RIMS1: variants seen among roughly 807,000 people sequenced by gnomAD.
The protein encoded by RIMS1 is regulating synaptic membrane exocytosis protein 1.
A neutral mutation model predicts 214.1 loss-of-function variants in RIMS1; 83 were observed. That is an observed-to-expected ratio of 0.39 (90% confidence interval 0.32 to 0.47). RIMS1 has a LOEUF of 0.47. Ranked by LOEUF, RIMS1 falls within the 20% of genes least tolerant of loss-of-function variation. The pLI, the probability that RIMS1 is intolerant of heterozygous loss-of-function variation, is 0.99. For missense variants in RIMS1, 2,050 were observed against 2,161.8 expected, an observed-to-expected ratio of 0.95 and a Z score of 1.03; for synonymous variants, 793 against 786.8, an observed-to-expected ratio of 1.01 and a Z score of -0.13.
chr6:71,908,155 CT>C (rs1775810501), intron 1 of RIMS1, among the ~76,000 whole-genome samples: 1 of 152,146 alleles, frequency 6.6e-6, no homozygotes, highest in South Asian at 2.1e-4. Context: ...CTTTTAGTTT[CT>C]GTTTTTATTC....
chr6:72,292,917 AT>A (rs2093612771), intron 26 of RIMS1, among the ~76,000 whole-genome samples: 1 of 151,974 alleles, frequency 6.6e-6, no homozygotes, highest in Admixed American at 6.6e-5. Flanking sequence ...CACTTTGAAT[AT>A]TTTTTTCAGC....
rs146276444 is a variant in RIMS1, at chr6:71,898,394, G to T, written c.164+11207G>T. Among the ~76,000 whole-genome samples, 886 of 152,230 alleles carry T rather than the reference G, an allele frequency of 5.8e-3. 8 individuals are homozygous for T. The highest frequency in any genetic ancestry group is 0.02 in the African/African-American group (826 of 41,532). On this transcript the variant is annotated intron_variant, in intron 1 of 33. Transcript: ENST00000521978. ...TCTAGACTTAAAATCCTTGAAGGAAGGTATCTTATATTAATCATCTTTTCA... is the reference window on the plus strand; with the variant it reads ...TCTAGACTTAAAATCCTTGAAGGAATGTATCTTATATTAATCATCTTTTCA...
chr6:72,207,809 G>A (rs2053185407), intron 6 of RIMS1, among the ~76,000 whole-genome samples: 1 of 152,050 alleles, frequency 6.6e-6, no homozygotes, highest in Non-Finnish European at 1.5e-5. Flanking sequence ...AAATTCCACT[G>A]AGAAAAACCT....
intron 6 of RIMS1, among the ~76,000 whole-genome samples, chr6:72,222,636 C>G (rs1417581115): frequency 3.9e-5 from 6 of 152,002 alleles, no homozygotes. Flanking sequence ...AGATATTTGC[C>G]AACCAGCTTA....
chr6:72,364,523 T>C (rs2097923464), intron 29 of RIMS1, among the ~76,000 whole-genome samples: 1 of 152,198 alleles, frequency 6.6e-6, no homozygotes, highest in Non-Finnish European at 1.5e-5. Context: ...TCATGAAAAA[T>C]TCTCTTATCT....
At chr6:72,234,765 A>G (rs1299196111) in intron 7 of RIMS1, among the ~76,000 whole-genome samples, 11 of 151,926 alleles carry the variant, frequency 7.2e-5, no homozygotes, top group Non-Finnish European at 1.6e-4. Flanking sequence ...GCCACTGATC[A>G]TTTAGTTTCT....
intron 2 of RIMS1, among the ~76,000 whole-genome samples, chr6:72,000,858 T>C (rs1804961528): frequency 6.6e-6 from 1 of 152,278 alleles, no homozygotes; most frequent in African/African-American, 2.4e-5. Context: ...TCCTCAATAA[T>C]CCTTCCCTCA....
chr6:72,006,899 C>A (rs543855330), intron 2 of RIMS1, among the ~76,000 whole-genome samples: 1 of 152,342 alleles, frequency 6.6e-6, no homozygotes, highest in East Asian at 1.9e-4. Context: ...CCTCTGGGGG[C>A]AGGGCATAGC....
intron 4 of RIMS1, among the ~76,000 whole-genome samples, chr6:72,133,759 A>C (rs781445826): frequency 2.0e-5 from 3 of 152,150 alleles, no homozygotes; most frequent in Admixed American, 6.5e-5. Context: ...CCCTAGATAG[A>C]GTAAATAATG....
chr6:71,888,046 G>A (rs1768379244), intron 1 of RIMS1, among the ~76,000 whole-genome samples: 1 of 152,186 alleles, frequency 6.6e-6, no homozygotes, highest in South Asian at 2.1e-4. Flanking sequence ...AACCCTTCAA[G>A]GGATTTCTGT....
intron 6 of RIMS1, among the ~76,000 whole-genome samples, chr6:72,200,598 G>C (rs969100963): frequency 6.6e-6 from 1 of 152,234 alleles, no homozygotes; most frequent in South Asian, 2.1e-4. Context: ...GACTTTTTCT[G>C]GTCTTATGAA....
intron 4 of RIMS1, among the ~76,000 whole-genome samples, chr6:72,110,911 A>G (rs2035946564): frequency 6.6e-6 from 1 of 152,124 alleles, no homozygotes; most frequent in Admixed American, 6.6e-5. Flanking sequence ...AGTGAAGAGT[A>G]AAAGTTGTGA....
intron 5 of RIMS1, among the ~76,000 whole-genome samples, chr6:72,180,282 G>T (rs2048236070): frequency 6.6e-6 from 1 of 152,218 alleles, no homozygotes; most frequent in Non-Finnish European, 1.5e-5. Context: ...CTATCAGAAA[G>T]TATGTGGACA....
At chr6:72,262,676 T>C in intron 19 of RIMS1, 1 of 855,328 alleles carries the variant, frequency 1.2e-6, no homozygotes, top group Non-Finnish European at 1.4e-6. Flanking sequence ...AAAATGAATG[T>C]CAAAATGTGT....
chr6:71,941,839 G>A (rs981006550), intron 1 of RIMS1, among the ~76,000 whole-genome samples: 3 of 152,132 alleles, frequency 2.0e-5, no homozygotes, highest in Admixed American at 6.6e-5. Flanking sequence ...GGCAAGCCTA[G>A]GCTTCGTGAT....
intron 29 of RIMS1, among the ~76,000 whole-genome samples, chr6:72,387,408 C>T (rs2098632269): frequency 6.6e-6 from 1 of 152,208 alleles, no homozygotes. Flanking sequence ...TGGCTCAATA[C>T]TTTGGTAATA....
At chr6:72,082,384 A>G (rs1833612633) in intron 2 of RIMS1, among the ~76,000 whole-genome samples, 1 of 152,204 alleles carries the variant, frequency 6.6e-6, no homozygotes, top group African/African-American at 2.4e-5. Flanking sequence ...GCATATACAT[A>G]TTAGCCATTT....
chr6:71,960,098 T>C lies in RIMS1; in HGVS notation c.165-8885T>C, dbSNP rs148165341. 2.9e-3 allele frequency among the ~76,000 whole-genome samples: 435 copies of C among 152,274 alleles called. 4 individuals are homozygous for C. The highest frequency in any genetic ancestry group is 0.01 in the African/African-American group (420 of 41,570). On this transcript the variant is annotated intron_variant, in intron 1 of 33. Transcript: ENST00000521978. ...TTTACATTTCTTGACATTCATCTTG[T>C]TTTACTGAATTTATTTTTTAAGTTA...
At chr6:72,121,037 G>A (rs1308008749) in intron 4 of RIMS1, among the ~76,000 whole-genome samples, 5 of 151,880 alleles carry the variant, frequency 3.3e-5, no homozygotes, top group African/African-American at 9.7e-5. Context: ...CCAGTAGCAT[G>A]CTGTTTTGGT....
Sources: allele counts gnomAD v4.1 joint callset (sites outside exome capture counted in the v4.1 genomes callset), GRCh38; gene constraint gnomAD v4.1.1; transcripts MANE v1.5; gene names NCBI Gene and HGNC (gene_info 2026-07-23, HGNC 2026-07-21).